PCDHA7: variants seen among roughly 807,000 people sequenced by gnomAD.
PCDHA7 encodes protocadherin alpha 7.
Under a neutral mutation model 57.2 loss-of-function variants are expected in PCDHA7, and 37 were observed. The ratio of observed to expected loss-of-function variants is 0.65; its 90% confidence interval spans 0.50 to 0.85. The LOEUF is 0.85. Among genes scored for constraint, PCDHA7 ranks in the 40% least tolerant of loss-of-function variants. PCDHA7 has a pLI of 0.00. For synonymous variants in PCDHA7, 553 were observed against 558.8 expected, an observed-to-expected ratio of 0.99 and a Z score of 0.15; for missense variants, 1,188 against 1,241.8, an observed-to-expected ratio of 0.96 and a Z score of 0.65.
rs1777975197 is a variant in PCDHA7 at position 140,842,460 on chromosome 5, G to C, written c.2355+5722G>C. On this transcript the variant is annotated intron_variant, in intron 1 of 3. Coordinates refer to ENST00000525929, the MANE Select transcript of PCDHA7 (RefSeq NM_018910.3). ...ATTAGCGTGAACGACCTCGATTCAGGTGCCAACGGGCAGGTGACCTGCTCC... is the reference window on the plus strand; with the variant it reads ...ATTAGCGTGAACGACCTCGATTCAGCTGCCAACGGGCAGGTGACCTGCTCC... 1 of 1,613,782 alleles carries C rather than the reference G, an allele frequency of 6.2e-7. No homozygotes were observed. The highest frequency in any genetic ancestry group is 1.1e-5 in the South Asian group (1 of 91,070).
intron 1 of PCDHA7, chr5:140,881,515 A>T (rs574115987): frequency 4.8e-6 from 1 of 207,066 alleles, no homozygotes; most frequent in Admixed American, 6.5e-5. Context: ...CACATACAAA[A>T]TCCCACACAT....
intron 1 of PCDHA7, among the ~76,000 whole-genome samples, chr5:140,881,674 T>C (rs782706305): frequency 5.3e-5 from 8 of 152,254 alleles, no homozygotes; most frequent in Non-Finnish European, 1.0e-4. Context: ...TCTTATGTGA[T>C]TGTTATGTTT....
At chr5:140,925,906 G>A (rs1181128933) in intron 1 of PCDHA7, among the ~76,000 whole-genome samples, 1 of 151,830 alleles carries the variant, frequency 6.6e-6, no homozygotes, top group Non-Finnish European at 1.5e-5. Context: ...ATCGTCAAGG[G>A]CCGTTTGCAA....
Position 140,841,121 on chromosome 5 carries a change from A to T in PCDHA7, c.2355+4383A>T, listed in dbSNP as rs1777036212. The T allele has an allele frequency of 1.1e-5, 7 of 638,568 alleles. No individual in the cohort carries two copies. In the African/African-American group the frequency reaches 1.3e-4, roughly 12 times the overall value. 39.6% of individuals were successfully genotyped at this position (638,568 alleles called of 1,614,324 possible). A position where few individuals can be genotyped will look rare whatever the true frequency, so the allele number is the denominator to read the frequency against. The stretch of plus-strand genomic sequence containing the variant: ...TATTGCGGAAGTAATTCATGTAATC[A>T]TTACCTTTTGAAGCCACATGATGTC... On this transcript the variant is annotated intron_variant, in intron 1 of 3. Transcript: ENST00000525929.
At chr5:140,875,304 A>G in intron 1 of PCDHA7, 6 of 1,416,398 alleles carry the variant, frequency 4.2e-6, no homozygotes, top group Non-Finnish European at 5.5e-6. Context: ...TTTTCTCCGC[A>G]CCCACATTCC....
intron 1 of PCDHA7, chr5:140,876,735 T>C (rs782576636): frequency 2.0e-5 from 33 of 1,614,084 alleles, no homozygotes; most frequent in Non-Finnish European, 2.7e-5. Context: ...TGTCGGCCTA[T>C]GAGCTGGTGG....
intron 1 of PCDHA7, chr5:140,875,643 G>A: frequency 6.2e-7 from 1 of 1,613,696 alleles, no homozygotes; most frequent in Non-Finnish European, 8.5e-7. Flanking sequence ...TGGAGCTGGC[G>A]GAGCTGGTGC....
At position 140,873,044 on chromosome 5, in the gene PCDHA7, A is replaced by T. The variant is rs115529200; in HGVS notation, c.2355+36306A>T. Among the ~76,000 whole-genome samples, 1,019 of 152,290 alleles carry T rather than the reference A, an allele frequency of 6.7e-3. 5 individuals are homozygous for T. Among genetic ancestry groups the T allele is most frequent in the Admixed American group, 0.012 (189 of 15,302 alleles). On this transcript the variant is annotated intron_variant, in intron 1 of 3. Coordinates refer to ENST00000525929, the MANE Select transcript of PCDHA7 (RefSeq NM_018910.3). ...TTCTTACTACACGTAGAGTGGTGGT[A>T]TTACAGACTTTCTTGAGAATCATAT...
intron 1 of PCDHA7, chr5:140,842,529 A>C (rs1323450768): frequency 6.2e-7 from 1 of 1,613,050 alleles, no homozygotes; most frequent in East Asian, 2.2e-5. Context: ...ACCTTCAAGA[A>C]TTACTACTCG....
intron 1 of PCDHA7, chr5:140,856,464 T>C (rs2044012633): frequency 1.3e-6 from 2 of 1,598,082 alleles, no homozygotes; most frequent in Non-Finnish European, 1.7e-6. Flanking sequence ...GAACAAAAGC[T>C]CTCAATACCT....
intron 1 of PCDHA7, chr5:140,843,126 G>T (rs1554139770): frequency 3.8e-6 from 6 of 1,595,828 alleles, no homozygotes; most frequent in Non-Finnish European, 5.1e-6. Flanking sequence ...GCCGACTCGG[G>T]CTACAACGCG....
At chr5:140,991,740 GCT>G (rs1175946938) in intron 3 of PCDHA7, among the ~76,000 whole-genome samples, 3 of 152,200 alleles carry the variant, frequency 2.0e-5, no homozygotes, top group African/African-American at 7.2e-5. Context: ...GGTAATGTAG[GCT>G]CTTTCTATCA....
intron 1 of PCDHA7, chr5:140,850,375 A>AT (rs2041561857): frequency 6.3e-7 from 1 of 1,597,746 alleles, no homozygotes; most frequent in Non-Finnish European, 8.6e-7. Context: ...GTGGGGCTGT[A>AT]CACGGGCGAG....
In PCDHA7 at chr5:140,947,881, A is replaced by G. The variant is rs191017624; in HGVS notation, c.2356-31068A>G. On this transcript the variant is annotated intron_variant, in intron 1 of 3. Transcript: ENST00000525929. ...TATAATGGCTAGGACTTCCAGGACA[A>G]TATAAACAGAAGTGGTGAGAGCAGA... 2.7e-3 allele frequency among the ~76,000 whole-genome samples: 417 copies of G among 151,684 alleles called. 2 individuals carry two copies. Among genetic ancestry groups the G allele is most frequent in the Middle Eastern group, 0.014 (4 of 294 alleles).
intron 1 of PCDHA7, among the ~76,000 whole-genome samples, chr5:140,924,240 G>T (rs1554201838): frequency 2.6e-5 from 4 of 152,186 alleles, no homozygotes; most frequent in Non-Finnish European, 5.9e-5. Flanking sequence ...GGGCTGTTTT[G>T]CATCCTGGTG....
Position 140,836,386 on chromosome 5 carries a change from C to A in PCDHA7, c.2003C>A (p.Ser668Ter). The A allele has an allele frequency of 6.2e-7, 1 of 1,613,722 alleles. No homozygotes were observed. The highest frequency in any genetic ancestry group is 8.5e-7 in the Non-Finnish European group (1 of 1,179,824). The change falls in exon 1 of 4, where the codon TCG (serine) becomes TAG (stop). Residue 668 changes from serine to a stop codon, truncating the protein, a stop_gained. Coordinates refer to ENST00000525929, the MANE Select transcript of PCDHA7 (RefSeq NM_018910.3). LOFTEE classifies it high-confidence loss of function. Reference sequence around the variant, plus strand: ...ACAGCCACAGCCACCGTGCTGGTGTCGCTGGTGGAAAGCGGCCAGGCACCA... The same window carrying A: ...ACAGCCACAGCCACCGTGCTGGTGTAGCTGGTGGAAAGCGGCCAGGCACCA... The part of the protein sequence containing the change: ...SLTATATVLV[S>*]LVESGQAPKA...
At chr5:140,883,316 G>A in intron 1 of PCDHA7, 1 of 1,614,078 alleles carries the variant, frequency 6.2e-7, no homozygotes, top group East Asian at 2.2e-5. Context: ...CGCCCCAGAG[G>A]TTACCATCAC....
At chr5:140,882,435 T>C in intron 1 of PCDHA7, 2 of 1,614,036 alleles carry the variant, frequency 1.2e-6, no homozygotes, top group East Asian at 4.5e-5. Context: ...GGGCTGGAGC[T>C]GGCGGAGCTG....
At position 141,010,386 on chromosome 5, in the gene PCDHA7, T is replaced by C; in HGVS notation, c.*449T>C. On this transcript the variant is annotated 3_prime_UTR_variant, in exon 4 of 4. Coordinates refer to ENST00000525929, the MANE Select transcript of PCDHA7 (RefSeq NM_018910.3). ...GGGTATGCGAGTGCCAGATATTGGCTGAGACGAGCCAGCTTAGACTAATTG... is the reference window on the plus strand; with the variant it reads ...GGGTATGCGAGTGCCAGATATTGGCCGAGACGAGCCAGCTTAGACTAATTG... The C allele has an allele frequency of 7.1e-7, 1 of 1,413,970 alleles. No homozygotes were observed. The highest frequency in any genetic ancestry group is 9.4e-7 in the Non-Finnish European group (1 of 1,063,616). 87.6% of individuals were successfully genotyped at this position (1,413,970 alleles called of 1,614,324 possible). A position where few individuals can be genotyped will look rare whatever the true frequency, so the allele number is the denominator to read the frequency against.
Sources: allele counts gnomAD v4.1 joint callset (sites outside exome capture counted in the v4.1 genomes callset), GRCh38; gene constraint gnomAD v4.1.1; transcripts MANE v1.5; gene names NCBI Gene and HGNC (gene_info 2026-07-23, HGNC 2026-07-21).